AHCYL2: variants seen among roughly 807,000 people sequenced by gnomAD.
AHCYL2 encodes the protein adenosylhomocysteinase like 2, also known as S-adenosylhomocysteine hydrolase-like protein 2.
A neutral mutation model predicts 81.4 loss-of-function variants in AHCYL2; 28 were observed. The ratio of observed to expected loss-of-function variants is 0.34; its 90% CI spans 0.25 to 0.47. The LOEUF (loss-of-function observed/expected upper bound fraction) is 0.47. Among genes scored for constraint, AHCYL2 ranks in the 20% least tolerant of loss-of-function variants. The pLI, the probability that AHCYL2 is intolerant of heterozygous loss-of-function variation, is 1.00. For missense variants in AHCYL2, 551 were observed against 785.1 expected, an observed-to-expected ratio of 0.70 and a Z score of 3.56; for synonymous variants, 272 against 290.2, an observed-to-expected ratio of 0.94 and a Z score of 0.64.
intron 13 of AHCYL2, among the ~76,000 whole-genome samples, chr7:129,424,424 A>G (rs1255961932): frequency 6.6e-6 from 1 of 151,436 alleles, no homozygotes; most frequent in African/African-American, 2.4e-5. Flanking sequence ...CAATCAATCA[A>G]TCAATCATCA....
At position 129,325,606 on chromosome 7, in the gene AHCYL2, C is replaced by G. The variant is rs142788636; in HGVS notation, c.364-54032C>G. On this transcript the variant is annotated intron_variant, in intron 1 of 16. Coordinates refer to ENST00000325006, the MANE Select transcript of AHCYL2 (RefSeq NM_015328.4). The stretch of plus-strand genomic sequence containing the variant: ...AAACTTTCAGCCATTATTCTATTTT[C>G]TATACCCCTTTTCTTACCTTTCCTT... 5.8e-3 allele frequency among the ~76,000 whole-genome samples: 881 copies of G among 152,202 alleles called. 7 individuals are homozygous for G. Among genetic ancestry groups the G allele is most frequent in the African/African-American group, 0.02 (832 of 41,554 alleles).
intron 1 of AHCYL2, among the ~76,000 whole-genome samples, chr7:129,274,106 G>C (rs769779780): frequency 5.3e-5 from 8 of 152,198 alleles, no homozygotes; most frequent in Admixed American, 1.3e-4. Context: ...ATATGTGTCT[G>C]ATTAGATTTC....
intron 1 of AHCYL2, among the ~76,000 whole-genome samples, chr7:129,242,587 T>G (rs1226883576): frequency 7.9e-5 from 12 of 152,036 alleles, no homozygotes; most frequent in Non-Finnish European, 1.5e-5. Context: ...TGTGGTGGTG[T>G]GCGCCTGTAA....
At chr7:129,227,829 C>T (rs1315025530) in intron 1 of AHCYL2, among the ~76,000 whole-genome samples, 1 of 151,846 alleles carries the variant, frequency 6.6e-6, no homozygotes, top group Non-Finnish European at 1.5e-5. Flanking sequence ...TTAATTGCAC[C>T]AAAAAAACAA....
At chr7:129,360,551 A>G (rs1793896753) in intron 1 of AHCYL2, among the ~76,000 whole-genome samples, 1 of 152,236 alleles carries the variant, frequency 6.6e-6, no homozygotes, top group Admixed American at 6.5e-5. Flanking sequence ...GAAAGAGACA[A>G]ATGATCAATT....
chr7:129,389,128 G>A lies in AHCYL2; in HGVS notation c.548G>A (p.Ser183Asn), dbSNP rs762826250. 8 of 1,613,980 alleles carry A rather than the reference G, an allele frequency of 5.0e-6. No individual in the cohort carries two copies. Among genetic ancestry groups the A allele is most frequent in the Non-Finnish European group, 6.8e-6 (8 of 1,179,940 alleles). Reference sequence around the variant, plus strand: ...AAGCAGCAAAAGAACTCTAAGGGAAGCAGTGACTTCTGTGTTAAGAACATC... The same window carrying A: ...AAGCAGCAAAAGAACTCTAAGGGAAACAGTGACTTCTGTGTTAAGAACATC... ...RDKQQKNSKG[S>N]SDFCVKNIKQ... The change falls in exon 3 of 17, where the codon AGC (serine) becomes AAC (asparagine). Residue 183 changes from serine (S) to asparagine (N), a missense_variant. Around this residue, in one of 2 missense-constraint regions of AHCYL2, gnomAD observed 316 missense variants for 543.1 expected, o/e 0.58. Transcript: ENST00000325006.
chr7:129,422,968 C>T (rs1387036843), intron 13 of AHCYL2, 30 bp downstream of exon 13: 3 of 1,600,348 alleles, frequency 1.9e-6, no homozygotes, highest in South Asian at 1.1e-5. Flanking sequence ...AAATACTCCC[C>T]CACAACAGGA....
At chr7:129,382,135 C>T (rs763990730) in intron 2 of AHCYL2, among the ~76,000 whole-genome samples, 12 of 152,024 alleles carry the variant, frequency 7.9e-5, no homozygotes, top group Non-Finnish European at 1.5e-4. Flanking sequence ...CTGGCATCTT[C>T]GTAACACAGA....
At chr7:129,288,905 G>A (rs1053566604) in intron 1 of AHCYL2, among the ~76,000 whole-genome samples, 1 of 151,540 alleles carries the variant, frequency 6.6e-6, no homozygotes. Context: ...GAGTAGCTGC[G>A]ACTGCAGGCA....
chr7:129,251,019 T>C (rs893938118), intron 1 of AHCYL2, among the ~76,000 whole-genome samples: 4 of 152,242 alleles, frequency 2.6e-5, no homozygotes, highest in Non-Finnish European at 4.4e-5. Flanking sequence ...ATTATAATTT[T>C]CCCTTCTATG....
intron 12 of AHCYL2, 72 bp from the exon 13 acceptor site, chr7:129,422,768 C>G: frequency 2.2e-6 from 3 of 1,357,710 alleles, no homozygotes; most frequent in Non-Finnish European, 3.1e-6. Flanking sequence ...TGAAATGGCT[C>G]CCTTCAACAT....
intron 1 of AHCYL2, among the ~76,000 whole-genome samples, chr7:129,358,624 A>G (rs1018033984): frequency 3.9e-5 from 6 of 152,230 alleles, no homozygotes; most frequent in Non-Finnish European, 7.3e-5. Context: ...TTTAATGGGT[A>G]TAGAGTTGCA....
Position 129,282,507 on chromosome 7 carries a change from G to A in AHCYL2, c.363+57068G>A, listed in dbSNP as rs1796481110. ...TGATCTGCCATCAGTCTTATCCAAT[G>A]CATTTTTCATATTAGACATTATTCT... On this transcript the variant is annotated intron_variant, in intron 1 of 16. Coordinates refer to ENST00000325006, the MANE Select transcript of AHCYL2 (RefSeq NM_015328.4). 2.6e-5 allele frequency among the ~76,000 whole-genome samples: 4 copies of A among 151,962 alleles called. No homozygotes were observed. In the South Asian group the frequency reaches 8.3e-4, roughly 32 times the overall value.
chr7:129,354,498 G>A (rs1183101307), intron 1 of AHCYL2, among the ~76,000 whole-genome samples: 2 of 152,172 alleles, frequency 1.3e-5, no homozygotes, highest in Non-Finnish European at 2.9e-5. Flanking sequence ...TTACTAGGTT[G>A]TATTGACCTG....
intron 2 of AHCYL2, among the ~76,000 whole-genome samples, chr7:129,385,013 A>G (rs1220792167): frequency 6.6e-6 from 1 of 152,240 alleles, no homozygotes; most frequent in East Asian, 1.9e-4. Flanking sequence ...TTTTTTAATC[A>G]GACCGTTCTC....
chr7:129,379,742 C>T lies in AHCYL2; in HGVS notation c.468C>T (p.Tyr156=), dbSNP rs1371078909. The change falls in exon 2 of 17, where the codon TAC becomes TAT. Residue 156 remains tyrosine (Y), a synonymous_variant. Transcript: ENST00000325006. ...TTTCTCAGTCATCTACTGACAGCTA[C>T]AGCTCAGGTGAGTACTGAACTGCTG... ...RSISQSSTDS[Y]SSAASYTDSS... The T allele has an allele frequency of 6.2e-7, 1 of 1,613,890 alleles. No homozygotes were observed. The highest frequency in any genetic ancestry group is 8.5e-7 in the Non-Finnish European group (1 of 1,179,874).
At chr7:129,399,267 T>C (rs1795906885) in intron 5 of AHCYL2, among the ~76,000 whole-genome samples, 1 of 149,612 alleles carries the variant, frequency 6.7e-6, no homozygotes, top group African/African-American at 2.5e-5. Flanking sequence ...GCCAATATGG[T>C]GAAACCCCGT....
At chr7:129,358,549 T>C (rs1793823789) in intron 1 of AHCYL2, among the ~76,000 whole-genome samples, 1 of 152,192 alleles carries the variant, frequency 6.6e-6, no homozygotes, top group Non-Finnish European at 1.5e-5. Flanking sequence ...GTAGTCAAAT[T>C]CAGAGACAGA....
intron 1 of AHCYL2, among the ~76,000 whole-genome samples, chr7:129,307,577 G>A (rs1251632253): frequency 1.3e-5 from 2 of 151,956 alleles, no homozygotes; most frequent in Admixed American, 6.6e-5. Context: ...GACCCCAAGA[G>A]CCTGTTTGGT....
Sources: allele counts gnomAD v4.1 joint callset (sites outside exome capture counted in the v4.1 genomes callset), GRCh38; gene constraint gnomAD v4.1.1; regional missense constraint gnomAD v4.1.1; transcripts MANE v1.5; gene names NCBI Gene and HGNC (gene_info 2026-07-23, HGNC 2026-07-21).